The following NXPE2 variants were observed in gnomAD, a reference collection of about 807,000 sequenced individuals.
NXPE2 encodes the protein NXPE family member 2.
In NXPE2, 34 loss-of-function variants were observed where a neutral mutation model predicts 34.4. The observed-to-expected ratio is 0.99, with a 90% confidence interval of 0.75 to 1.31. The LOEUF is 1.31. NXPE2 is among the 40% of genes most tolerant of loss of function. NXPE2 has a pLI of 0.00. For synonymous variants in NXPE2, 235 were observed against 231.3 expected, an observed-to-expected ratio of 1.02 and a Z score of -0.15; for missense variants, 649 against 672.5, an observed-to-expected ratio of 0.97 and a Z score of 0.39.
intron 2 of NXPE2, among the ~76,000 whole-genome samples, chr11:114,689,581 T>C (rs978758203): frequency 3.3e-5 from 5 of 152,132 alleles, no homozygotes; most frequent in Non-Finnish European, 7.4e-5. Flanking sequence ...TGGAGTACTT[T>C]GTAGATGTCT....
At chr11:114,631,059 C>T in the NXPE2 span, among the ~76,000 whole-genome samples, 1 of 151,770 alleles carries the variant, frequency 6.6e-6, no homozygotes, top group African/African-American at 2.4e-5. Context: ...AATAGGAACA[C>T]TTTTACACTG....
chr11:114,555,570 A>G, the NXPE2 span, among the ~76,000 whole-genome samples: 2 of 152,158 alleles, frequency 1.3e-5, no homozygotes, highest in South Asian at 4.1e-4. Context: ...ATGTTGGCAA[A>G]TGTAGACACC....
the NXPE2 span, among the ~76,000 whole-genome samples, chr11:114,602,636 C>A: frequency 7.1e-6 from 1 of 140,368 alleles, no homozygotes. Context: ...ATTATAGATT[C>A]ATATATAATA....
the NXPE2 span, among the ~76,000 whole-genome samples, chr11:114,812,985 G>A: frequency 6.6e-6 from 1 of 152,280 alleles, no homozygotes; most frequent in Non-Finnish European, 1.5e-5. Context: ...ACCCTGGGGA[G>A]AGAGGCCGGC....
the NXPE2 span, among the ~76,000 whole-genome samples, chr11:114,600,651 T>C: frequency 6.6e-6 from 1 of 152,030 alleles, no homozygotes; most frequent in South Asian, 2.1e-4. Context: ...CTAAATGCAA[T>C]TTGAGATCCT....
chr11:114,616,695 T>C, the NXPE2 span, among the ~76,000 whole-genome samples: 3 of 151,376 alleles, frequency 2.0e-5, no homozygotes, highest in Admixed American at 6.6e-5. Context: ...TTGCCTCGTC[T>C]GAAACCACTG....
At chr11:114,580,463 A>T in the NXPE2 span, 1 of 721,452 alleles carries the variant, frequency 1.4e-6, no homozygotes, top group Non-Finnish European at 2.3e-6. Context: ...TGGAAAAAGT[A>T]TTACTGAAGT....
At chr11:114,614,070 G>A in the NXPE2 span, among the ~76,000 whole-genome samples, 1 of 151,136 alleles carries the variant, frequency 6.6e-6, no homozygotes, top group Admixed American at 6.6e-5. Context: ...GTCGCCTCAT[G>A]CATAACCACT....
chr11:114,546,459 T>G, the NXPE2 span, among the ~76,000 whole-genome samples: 3,169 of 126,516 alleles, frequency 0.025, 115 homozygotes, highest in African/African-American at 0.1. Flanking sequence ...CATATATATA[T>G]TTTTTCTTTT....
chr11:114,812,157 G>T, the NXPE2 span, among the ~76,000 whole-genome samples: 1 of 152,214 alleles, frequency 6.6e-6, no homozygotes, highest in African/African-American at 2.4e-5. Flanking sequence ...CCCAGGCCAA[G>T]ATTAGTCCTA....
intron 4 of NXPE2, among the ~76,000 whole-genome samples, chr11:114,704,376 G>A (rs930508398): frequency 2.6e-5 from 4 of 152,164 alleles, no homozygotes; most frequent in African/African-American, 4.8e-5. Context: ...GGTGCTATGT[G>A]AAAAATGTCT....
the NXPE2 span, among the ~76,000 whole-genome samples, chr11:114,753,018 A>G: frequency 6.6e-6 from 1 of 152,234 alleles, no homozygotes; most frequent in Admixed American, 6.5e-5. Context: ...GAAACTGAGA[A>G]TTTGCAATGG....
the NXPE2 span, chr11:114,530,580 A>T: frequency 6.2e-7 from 1 of 1,613,968 alleles, no homozygotes; most frequent in East Asian, 2.2e-5. Context: ...TGGGGAGGAC[A>T]TCCTGGCCCT....
chr11:114,697,454 G>A (rs1468038), intron 2 of NXPE2, among the ~76,000 whole-genome samples: 115,034 of 152,106 alleles, frequency 0.76, 44,058 homozygotes, highest in East Asian at 0.84. Context: ...TCCGACTTCT[G>A]GCCTCCAGAA....
chr11:114,739,440 T>C, the NXPE2 span, among the ~76,000 whole-genome samples: 50 of 143,808 alleles, frequency 3.5e-4, 1 homozygote, highest in Non-Finnish European at 7.5e-4. Context: ...CTTTTCTTCC[T>C]ACCTTCCTCC....
rs2135561263 is a variant in NXPE2, at chr11:114,698,721, C to T, written c.809C>T (p.Thr270Ile). Residue 270 changes from threonine (T) to isoleucine (I), a missense_variant, in exon 3 of 6, where the codon ACC (threonine) becomes ATC (isoleucine). By Grantham distance (89) the Thr-to-Ile change is moderately conservative. Transcript: ENST00000389586. ...CCCTGTGAGGCCTTGACCCACATGA[C>T]CACTAGGACAAGAAATATTTCCTAT... ...HMPCEALTHM[T>I]TRTRNISYLS... 1 of 1,610,096 alleles carries T rather than the reference C, an allele frequency of 6.2e-7. No individual in the cohort carries two copies. Among genetic ancestry groups the T allele is most frequent in the East Asian group, 2.2e-5 (1 of 44,840 alleles).
the NXPE2 span, chr11:114,580,177 A>T: frequency 5.0e-6 from 8 of 1,614,090 alleles, no homozygotes; most frequent in East Asian, 1.6e-4. Flanking sequence ...CGGATCGTGG[A>T]ATCTCCCATT....
chr11:114,749,668 C>T, the NXPE2 span, among the ~76,000 whole-genome samples: 1 of 152,170 alleles, frequency 6.6e-6, no homozygotes, highest in Admixed American at 6.5e-5. Flanking sequence ...TCTCATTATC[C>T]TTATTTCATC....
At chr11:114,535,490 A>G in the NXPE2 span, among the ~76,000 whole-genome samples, 8 of 152,232 alleles carry the variant, frequency 5.3e-5, no homozygotes, top group Non-Finnish European at 1.2e-4. Context: ...AGACTGGCAA[A>G]TTGGATAAAG....
Sources: allele counts gnomAD v4.1 joint callset (sites outside exome capture counted in the v4.1 genomes callset), GRCh38; gene constraint gnomAD v4.1.1; transcripts MANE v1.5; gene names NCBI Gene and HGNC (gene_info 2026-07-23, HGNC 2026-07-21).